Variants in HECW1 observed in about 807,000 individuals in gnomAD.
The protein encoded by HECW1 is HECT, C2 and WW domain containing E3 ubiquitin protein ligase 1.
Under a neutral mutation model 182.3 loss-of-function variants are expected in HECW1, and 61 were observed. The observed-to-expected ratio is 0.33, with a 90% CI of 0.27 to 0.41. HECW1 has a LOEUF of 0.41. HECW1 is among the 10% of genes least tolerant of loss of function. The pLI, the probability that HECW1 is intolerant of heterozygous loss-of-function variation, is 1.00. For missense variants in HECW1, 1,739 were observed against 2,108.9 expected (o/e 0.82, Z 3.44); for synonymous variants, 859 against 832.6 (o/e 1.03, Z -0.55).
chr7:43,353,514 C>A (rs955397452), intron 5 of HECW1, among the ~76,000 whole-genome samples: 2 of 152,082 alleles, frequency 1.3e-5, no homozygotes, highest in Non-Finnish European at 2.9e-5. Flanking sequence ...CCAAGATGAT[C>A]ACCAGCAATA....
Position 43,561,862 on chromosome 7 carries a change from A to G in HECW1, c.4757A>G (p.Tyr1586Cys), listed in dbSNP as rs752865178. The G allele has an allele frequency of 2.5e-6, 4 of 1,613,962 alleles. No homozygotes were observed. The highest frequency in any genetic ancestry group is 3.4e-6 in the Non-Finnish European group (4 of 1,179,932). ...CTGGATCTTCCACCGTATCCCTCGTACTCCATGTTGTATGAAAAGCTGTTA... is the reference window on the plus strand; with the variant it reads ...CTGGATCTTCCACCGTATCCCTCGTGCTCCATGTTGTATGAAAAGCTGTTA... ...NRLDLPPYPS[Y>C]SMLYEKLLTA... Residue 1586 changes from tyrosine (Y) to cysteine (C), a missense_variant, in exon 30 of 30, where the codon TAC becomes TGC. Transcript: ENST00000395891.
At chr7:43,297,752 A>G (rs781525236) in intron 3 of HECW1, among the ~76,000 whole-genome samples, 7 of 152,190 alleles carry the variant, frequency 4.6e-5, no homozygotes, top group Non-Finnish European at 8.8e-5. Context: ...AGTCACTAGA[A>G]AACAACATAG....
At chr7:43,172,341 C>T (rs894208961) in intron 2 of HECW1, among the ~76,000 whole-genome samples, 3 of 151,504 alleles carry the variant, frequency 2.0e-5, no homozygotes, top group African/African-American at 7.3e-5. Flanking sequence ...TTAGTATTTT[C>T]ACTATGGAAA....
At chr7:43,265,204 C>T (rs566454274) in intron 3 of HECW1, among the ~76,000 whole-genome samples, 1 of 152,266 alleles carries the variant, frequency 6.6e-6, no homozygotes, top group South Asian at 2.1e-4. Flanking sequence ...GTCCTGGTGA[C>T]AGCCACCATC....
At chr7:43,314,716 C>T (rs934271386) in intron 4 of HECW1, among the ~76,000 whole-genome samples, 1 of 152,206 alleles carries the variant, frequency 6.6e-6, no homozygotes, top group African/African-American at 2.4e-5. Flanking sequence ...AAAATGCCAA[C>T]ACTTTCAACG....
chr7:43,510,620 C>A (rs1445139211), intron 24 of HECW1, among the ~76,000 whole-genome samples: 1 of 152,072 alleles, frequency 6.6e-6, no homozygotes, highest in East Asian at 1.9e-4. Context: ...CATATGTTTG[C>A]CTGAGATACA....
At chr7:43,306,350 A>G (rs1301208148) in intron 3 of HECW1, among the ~76,000 whole-genome samples, 1 of 150,670 alleles carries the variant, frequency 6.6e-6, no homozygotes, top group Non-Finnish European at 1.5e-5. Context: ...AATTTTCTCA[A>G]ATCCTTTGTA....
At chr7:43,307,218 G>A (rs867228474) in intron 3 of HECW1, among the ~76,000 whole-genome samples, 5 of 152,250 alleles carry the variant, frequency 3.3e-5, no homozygotes, top group African/African-American at 9.6e-5. Context: ...GACATAGCCC[G>A]TAACTAGGGC....
intron 2 of HECW1, among the ~76,000 whole-genome samples, chr7:43,140,219 C>T (rs1318200596): frequency 2.6e-5 from 4 of 151,726 alleles, no homozygotes; most frequent in Non-Finnish European, 5.9e-5. Flanking sequence ...TAAATTTTTT[C>T]CATTTCTTCT....
intron 6 of HECW1, among the ~76,000 whole-genome samples, chr7:43,371,188 A>G (rs1462002731): frequency 1.3e-5 from 2 of 152,106 alleles, no homozygotes; most frequent in African/African-American, 2.4e-5. Context: ...CGCCTGGCCA[A>G]TGAAATTCTT....
chr7:43,126,800 C>T (rs981701583), intron 2 of HECW1, among the ~76,000 whole-genome samples: 1 of 152,094 alleles, frequency 6.6e-6, no homozygotes, highest in Non-Finnish European at 1.5e-5. Flanking sequence ...TTATGGTGAT[C>T]TCTGATCAGT....
chr7:43,298,375 G>A (rs1806298922), intron 3 of HECW1, among the ~76,000 whole-genome samples: 1 of 152,220 alleles, frequency 6.6e-6, no homozygotes, highest in Non-Finnish European at 1.5e-5. Context: ...TTTGTTGACT[G>A]AATAAATAAA....
chr7:43,358,805 C>T (rs866108221), intron 5 of HECW1, among the ~76,000 whole-genome samples: 16 of 148,364 alleles, frequency 1.1e-4, no homozygotes, highest in South Asian at 8.7e-4. Context: ...AGGGAGGATC[C>T]TTAAAATATA....
intron 24 of HECW1, among the ~76,000 whole-genome samples, chr7:43,512,288 C>T (rs1308436097): frequency 2.0e-5 from 3 of 152,228 alleles, no homozygotes; most frequent in Admixed American, 6.5e-5. Flanking sequence ...GCAGGAAGGA[C>T]AGAGGTGCCT....
intron 4 of HECW1, among the ~76,000 whole-genome samples, chr7:43,319,068 G>A (rs1189503745): frequency 4.6e-5 from 7 of 152,284 alleles, no homozygotes; most frequent in Admixed American, 2.6e-4. Flanking sequence ...CAAGAATGCC[G>A]CATTTCTCTC....
intron 9 of HECW1, among the ~76,000 whole-genome samples, chr7:43,441,255 A>G (rs1344400554): frequency 6.6e-6 from 1 of 152,174 alleles, no homozygotes; most frequent in African/African-American, 2.4e-5. Context: ...AGGGGATGGC[A>G]TGAAAATCCA....
chr7:43,469,166 G>C (rs771186628), intron 16 of HECW1, 61 bp downstream of exon 16: 70 of 1,539,192 alleles, frequency 4.5e-5, no homozygotes, highest in Non-Finnish European at 5.9e-5. Context: ...GGTGAAGCTA[G>C]CAAGGGCGTG....
At chr7:43,352,588 A>C (rs1814604071) in intron 5 of HECW1, among the ~76,000 whole-genome samples, 1 of 152,214 alleles carries the variant, frequency 6.6e-6, no homozygotes, top group African/African-American at 2.4e-5. Flanking sequence ...GTCTGCCATG[A>C]ACCATATGTG....
chr7:43,129,703 A>G (rs1232705444), intron 2 of HECW1, among the ~76,000 whole-genome samples: 1 of 152,174 alleles, frequency 6.6e-6, no homozygotes, highest in African/African-American at 2.4e-5. Context: ...TGGTGTCTTA[A>G]TTTCCTCTAA....
Sources: allele counts gnomAD v4.1 joint callset (sites outside exome capture counted in the v4.1 genomes callset), GRCh38; gene constraint gnomAD v4.1.1; transcripts MANE v1.5; gene names NCBI Gene and HGNC (gene_info 2026-07-23, HGNC 2026-07-21).